Variants in PLAGL1 observed in about 807,000 individuals in gnomAD.
The protein encoded by PLAGL1 is PLAG1 like zinc finger 1, also known as zinc finger protein PLAGL1.
In PLAGL1, 1 loss-of-function variant was observed where a neutral mutation model predicts 4.6. That is an observed-to-expected ratio of 0.22 (90% CI 0.08 to 1.03). The LOEUF (loss-of-function observed/expected upper bound fraction) is 1.03. Among genes scored for constraint, PLAGL1 ranks in the 50% least tolerant of loss-of-function variants. PLAGL1 has a pLI of 0.58. For missense variants in PLAGL1, 464 were observed against 570.4 expected (o/e 0.81, Z 1.90); for synonymous variants, 240 against 237.8 (o/e 1.01, Z -0.08).
In PLAGL1 at chr6:144,064,059, G is replaced by GGA. The variant is rs1198419331; in HGVS notation, c.-151+407_-151+408dup. On this transcript the variant is annotated intron_variant, in intron 1 of 3. Transcript: ENST00000437412. This position sits in a 1 kb window ranked among gnomAD's most constrained non-coding sequence, Gnocchi z 6.8. ...CGCAGACAGCCCCGCCCCCAGCCTC[G>GGA]GAGAGCACAGGACCCGGGAGGCGGC... 6.6e-6 allele frequency among the ~76,000 whole-genome samples: 1 copy of GGA among 152,120 alleles called. No individual in the cohort carries two copies. The highest frequency in any genetic ancestry group is 1.5e-5 in the Non-Finnish European group (1 of 67,996).
Position 143,985,982 on chromosome 6 carries a change from T to TTATATA in PLAGL1, c.-583-814_-583-809dup, listed in dbSNP as rs55768066. ...TATATCAAATTATATATATATAAAA[T>TTATATA]TATATATATATATATATATATATAT... On this transcript the variant is annotated intron_variant, in intron 1 of 7. Transcript: ENST00000674357. This position sits in a 1 kb window ranked among gnomAD's most constrained non-coding sequence, Gnocchi z 4.4. Among the ~76,000 whole-genome samples the TTATATA allele has an allele frequency of 0.011, 1,200 of 111,510 alleles. 60 individuals carry two copies. The highest frequency in any genetic ancestry group is 0.041 in the East Asian group (151 of 3,700). The allele number at this position is 111,510 out of a possible 152,430, so 73.2% of individuals were successfully genotyped here. A position where few individuals can be genotyped will look rare whatever the true frequency, so the allele number is the denominator to read the frequency against.
rs1350584700 is a variant in PLAGL1, at chr6:143,964,629, C to T, written c.-399+158G>A. On this transcript the variant is annotated intron_variant, in intron 5 of 7. Coordinates refer to ENST00000674357, the MANE Select transcript of PLAGL1 (RefSeq NM_001317162.2). This position sits in a 1 kb window ranked among gnomAD's most constrained non-coding sequence, Gnocchi z 4.3. ...CAATCTAGTTTTCAAAAAAGGCCAC[C>T]GCTTCGTTAGAGAGAGGACCATGGA... Among the ~76,000 whole-genome samples, 3 of 142,728 alleles carry T rather than the reference C, an allele frequency of 2.1e-5. No individual in the cohort carries two copies. Among genetic ancestry groups the T allele is most frequent in the Non-Finnish European group, 3.1e-5 (2 of 65,526 alleles). The allele number at this position is 142,728 out of a possible 152,430, so 93.6% of individuals were successfully genotyped here.
chr6:143,975,262 A>T lies in PLAGL1; in HGVS notation c.-543-6284T>A, dbSNP rs1285211788. Reference sequence around the variant, plus strand: ...ATAAGTCATCCTAGTTTTTGAGGCCAATGGGTTGTACCACTTCCATTCAAT... The same window carrying T: ...ATAAGTCATCCTAGTTTTTGAGGCCTATGGGTTGTACCACTTCCATTCAAT... On this transcript the variant is annotated intron_variant, in intron 2 of 7. Coordinates refer to ENST00000674357, the MANE Select transcript of PLAGL1 (RefSeq NM_001317162.2). This position sits in a 1 kb window ranked among gnomAD's most constrained non-coding sequence, Gnocchi z 5.8. Among the ~76,000 whole-genome samples, 1 of 152,226 alleles carries T rather than the reference A, an allele frequency of 6.6e-6. No homozygotes were observed. Among genetic ancestry groups the T allele is most frequent in the Non-Finnish European group, 1.5e-5 (1 of 68,034 alleles).
chr6:144,042,562 T>A (rs984232686), intron 1 of PLAGL1, among the ~76,000 whole-genome samples: 2 of 152,200 alleles, frequency 1.3e-5, no homozygotes, highest in African/African-American at 2.4e-5. Context: ...TACCATGCTG[T>A]TTTGGTTACT....
rs539076499 is a variant in PLAGL1 at position 144,004,754 on chromosome 6, TA to T, written c.-584+3335del. Among the ~76,000 whole-genome samples, 434 of 152,068 alleles carry T rather than the reference TA, an allele frequency of 2.9e-3. 1 individual carries two copies. Among genetic ancestry groups the T allele is most frequent in the Non-Finnish European group, 4.9e-3 (334 of 67,966 alleles). ...AAACATATGTAGAATTCAACATGGATAAAAAATATATTAAATACATTAAATC... is the reference window on the plus strand; with the variant it reads ...AAACATATGTAGAATTCAACATGGATAAAAATATATTAAATACATTAAATC... On this transcript the variant is annotated intron_variant, in intron 1 of 7. Transcript: ENST00000674357. The surrounding 1 kb of genome is among the most constrained non-coding windows in gnomAD (Gnocchi z 4.2).
Position 143,948,788 on chromosome 6 carries a change from CAACAAA to C in PLAGL1, c.-324-334_-324-329del, listed in dbSNP as rs1289663687. On this transcript the variant is annotated intron_variant, in intron 6 of 7. Transcript: ENST00000674357. The surrounding 1 kb of genome is among the most constrained non-coding windows in gnomAD (Gnocchi z 6.0). ...AAAACAACAACAACAACAACAACAA[CAACAAA>C]CAAAAACCTCCCTCCCTCAGTGTGT... 1.5e-4 allele frequency among the ~76,000 whole-genome samples: 22 copies of C among 150,574 alleles called. No homozygotes were observed. Among genetic ancestry groups the C allele is most frequent in the African/African-American group, 5.2e-4 (21 of 40,274 alleles).
chr6:144,056,758 G>A lies in PLAGL1; in HGVS notation c.-151+7710C>T, dbSNP rs1799005900. ...CTACTCACTGTAGCCATGACCTCTTGGGCTCAAGTAATCCTCCCACATTAG... is the reference window on the plus strand; with the variant it reads ...CTACTCACTGTAGCCATGACCTCTTAGGCTCAAGTAATCCTCCCACATTAG... On this transcript the variant is annotated intron_variant, in intron 1 of 3. Coordinates refer to the PLAGL1 transcript ENST00000437412. This position sits in a 1 kb window ranked among gnomAD's most constrained non-coding sequence, Gnocchi z 4.7. Among the ~76,000 whole-genome samples, 1 of 152,072 alleles carries A rather than the reference G, an allele frequency of 6.6e-6. No homozygotes were observed. The highest frequency in any genetic ancestry group is 2.1e-4 in the South Asian group (1 of 4,816).
chr6:144,061,943 T>G lies in PLAGL1; in HGVS notation c.-151+2525A>C, dbSNP rs17073315. Among the ~76,000 whole-genome samples, 4,603 of 152,334 alleles carry G rather than the reference T, an allele frequency of 0.03. 233 individuals carry two copies. The highest frequency in any genetic ancestry group is 0.1 in the African/African-American group (4,294 of 41,564). On this transcript the variant is annotated intron_variant, in intron 1 of 3. Coordinates refer to the PLAGL1 transcript ENST00000437412. The surrounding 1 kb of genome is among the most constrained non-coding windows in gnomAD (Gnocchi z 4.4). ...AATTAAAACAATGTATCAATTATATTTACTATGAATGTAGGACCCATTTTG... is the reference window on the plus strand; with the variant it reads ...AATTAAAACAATGTATCAATTATATGTACTATGAATGTAGGACCCATTTTG...
At chr6:144,020,648 G>A (rs1479689910) in intron 1 of PLAGL1, among the ~76,000 whole-genome samples, 2 of 150,766 alleles carry the variant, frequency 1.3e-5, no homozygotes, top group Non-Finnish European at 2.9e-5. Context: ...GACTTACTAT[G>A]TTGCCCAGGC....
chr6:144,061,978 T>C lies in PLAGL1; in HGVS notation c.-151+2490A>G, dbSNP rs970284757. Among the ~76,000 whole-genome samples the C allele has an allele frequency of 2.6e-5, 4 of 152,238 alleles. No individual in the cohort carries two copies. The highest frequency in any genetic ancestry group is 9.6e-5 in the African/African-American group (4 of 41,466). ...TGTAGGACCCATTTTGAGCTTTTTC[T>C]TTTTTGTTTGTTTTGTTTTTTAACC... On this transcript the variant is annotated intron_variant, in intron 1 of 3. Coordinates refer to the PLAGL1 transcript ENST00000437412. The surrounding 1 kb of genome is among the most constrained non-coding windows in gnomAD (Gnocchi z 4.4).
chr6:144,002,115 T>G (rs192973686), intron 1 of PLAGL1, among the ~76,000 whole-genome samples: 1 of 152,166 alleles, frequency 6.6e-6, no homozygotes, highest in African/African-American at 2.4e-5. Context: ...ATGTAAGATG[T>G]TAACATGAGA....
chr6:144,026,104 A>G (rs1796322812), intron 1 of PLAGL1, among the ~76,000 whole-genome samples: 1 of 152,218 alleles, frequency 6.6e-6, no homozygotes, highest in Non-Finnish European at 1.5e-5. Flanking sequence ...ATAAGCATTT[A>G]TTCCTACTGA....
chr6:143,999,001 G>C (rs530817863), intron 1 of PLAGL1, among the ~76,000 whole-genome samples: 2 of 152,252 alleles, frequency 1.3e-5, no homozygotes, highest in East Asian at 3.9e-4. Flanking sequence ...GCCACTAAAG[G>C]ACTTTTTCAG....
In PLAGL1 at chr6:143,942,408, C is replaced by CA. The variant is rs1778829813; in HGVS notation, c.407dup (p.Asp137GlyfsTer13). ...CTTCCGCATGGGCTTTGAGGTGGTC[C>CA]AGTAGCACCTCGGTGCTCCCTAGCT... On this transcript the variant is annotated frameshift_variant, in exon 8 of 8. Transcript: ENST00000674357. LOFTEE classifies it low-confidence loss of function (END_TRUNC). The surrounding 1 kb of genome is among the most constrained non-coding windows in gnomAD (Gnocchi z 7.6). The CA allele has an allele frequency of 6.2e-7, 1 of 1,613,998 alleles. No individual in the cohort carries two copies. The highest frequency in any genetic ancestry group is 1.3e-5 in the African/African-American group (1 of 74,906).
At chr6:144,038,533 T>C (rs1210714189) in intron 1 of PLAGL1, among the ~76,000 whole-genome samples, 1 of 152,204 alleles carries the variant, frequency 6.6e-6, no homozygotes, top group Non-Finnish European at 1.5e-5. Context: ...CATATGTCTG[T>C]ACCCAGTAGA....
In PLAGL1 at chr6:143,985,895, T is replaced by TTG. The variant is rs1788917686; in HGVS notation, c.-583-722_-583-721insCA. ...CGGCCAAGCTACATATTATATATTA[T>TTG]TATGTGTGTGTGTGTGTGTGTGTAT... On this transcript the variant is annotated intron_variant, in intron 1 of 7. Coordinates refer to ENST00000674357, the MANE Select transcript of PLAGL1 (RefSeq NM_001317162.2). This position sits in a 1 kb window ranked among gnomAD's most constrained non-coding sequence, Gnocchi z 4.4. Among the ~76,000 whole-genome samples the TTG allele has an allele frequency of 9.0e-6, 1 of 110,622 alleles. No individual in the cohort carries two copies. The highest frequency in any genetic ancestry group is 2.0e-5 in the Non-Finnish European group (1 of 49,236). The allele number at this position is 110,622 out of a possible 152,430, so 72.6% of individuals were successfully genotyped here.
Position 144,048,678 on chromosome 6 carries a change from C to A in PLAGL1, c.-151+15790G>T, listed in dbSNP as rs1363055498. ...AGCAGCATCAGGGCTGTAAGCCAGG[C>A]CCATGAAACCATTTCTTCCCACTAG... On this transcript the variant is annotated intron_variant, in intron 1 of 3. Transcript: ENST00000437412. The surrounding 1 kb of genome is among the most constrained non-coding windows in gnomAD (Gnocchi z 4.8). Among the ~76,000 whole-genome samples the A allele has an allele frequency of 2.0e-5, 3 of 152,188 alleles. No individual in the cohort carries two copies. Among genetic ancestry groups the A allele is most frequent in the Non-Finnish European group, 4.4e-5 (3 of 68,034 alleles).
chr6:143,999,302 A>G (rs1792331816), intron 1 of PLAGL1, among the ~76,000 whole-genome samples: 1 of 152,186 alleles, frequency 6.6e-6, no homozygotes, highest in African/African-American at 2.4e-5. Context: ...AAGTTCCTCG[A>G]GAGCAAACAT....
rs540347209 is a variant in PLAGL1, at chr6:144,035,674, C to T, written c.-151+28794G>A. On this transcript the variant is annotated intron_variant, in intron 1 of 3. Coordinates refer to the PLAGL1 transcript ENST00000437412. Reference sequence around the variant, plus strand: ...ATTAACCATCACAGGGGGCAAGAGGCTTTGTGTCAAATCCCTGTTGCTATG... The same window carrying T: ...ATTAACCATCACAGGGGGCAAGAGGTTTTGTGTCAAATCCCTGTTGCTATG... Among the ~76,000 whole-genome samples, 118 of 152,178 alleles carry T rather than the reference C, an allele frequency of 7.8e-4. 1 individual carries two copies. Among genetic ancestry groups the T allele is most frequent in the Non-Finnish European group, 1.3e-4 (9 of 68,032 alleles).
Sources: gnomAD v4.1 joint callset for allele counts (sites outside exome capture counted in the v4.1 genomes callset) on GRCh38, gnomAD v4.1.1 for gene constraint, Gnocchi (gnomAD v3.1) non-coding constraint, MANE v1.5 for transcripts, NCBI Gene and HGNC (gene_info 2026-07-23, HGNC 2026-07-21) for gene names.